Variants in COL27A1 observed in about 807,000 individuals in gnomAD.
COL27A1 encodes the protein collagen type XXVII alpha 1 chain.
In COL27A1, 106 loss-of-function variants were observed where a neutral mutation model predicts 251.3. The observed-to-expected ratio is 0.42, with a 90% CI of 0.36 to 0.50. The LOEUF (loss-of-function observed/expected upper bound fraction) is 0.50. Among genes scored for constraint, COL27A1 ranks in the 20% least tolerant of loss-of-function variants. COL27A1 has a pLI of 0.00. For synonymous variants in COL27A1, 1,000 were observed against 986.3 expected (o/e 1.01, Z -0.26); for missense variants, 2,325 against 2,522.8 (o/e 0.92, Z 1.68).
At chr9:114,156,993 G>A (rs927677822) in intron 1 of COL27A1, among the ~76,000 whole-genome samples, 7 of 152,012 alleles carry the variant, frequency 4.6e-5, no homozygotes, top group Non-Finnish European at 7.4e-5. Flanking sequence ...GGAGTCCGCG[G>A]GATGACACCC....
At chr9:114,171,765 C>A (rs1849337485) in intron 3 of COL27A1, among the ~76,000 whole-genome samples, 1 of 152,144 alleles carries the variant, frequency 6.6e-6, no homozygotes, top group African/African-American at 2.4e-5. Context: ...TGTGCCTGGC[C>A]TAAAGAAGCT....
intron 7 of COL27A1, among the ~76,000 whole-genome samples, chr9:114,204,032 TAG>T (rs1564464155): frequency 6.6e-6 from 1 of 152,068 alleles, no homozygotes; most frequent in Non-Finnish European, 1.5e-5. Context: ...CGGCAGCACA[TAG>T]AGAGGGTCTA....
At chr9:114,209,239 TG>T (rs1355200641) in intron 10 of COL27A1, among the ~76,000 whole-genome samples, 1 of 152,044 alleles carries the variant, frequency 6.6e-6, no homozygotes, top group African/African-American at 2.4e-5. Context: ...CGGCCAGAGG[TG>T]GATGTAAGCC....
At chr9:114,289,749 C>G (rs1278256430) in intron 45 of COL27A1, among the ~76,000 whole-genome samples, 1 of 152,114 alleles carries the variant, frequency 6.6e-6, no homozygotes, top group Non-Finnish European at 1.5e-5. Context: ...CGGGTGCGCC[C>G]CCCTCACCTG....
chr9:114,245,913 T>C lies in COL27A1; in HGVS notation c.2979+3T>C. On this transcript the variant is annotated splice_donor_region_variant and intron_variant, in intron 24 of 60. Transcript: ENST00000356083. ...GGCCGGGGCCTGTGGGAGAGCAGGTTAGTTAGCAACGGTCTCTGAATGAGT... is the reference window on the plus strand; with the variant it reads ...GGCCGGGGCCTGTGGGAGAGCAGGTCAGTTAGCAACGGTCTCTGAATGAGT... The C allele has an allele frequency of 6.2e-7, 1 of 1,613,008 alleles. No homozygotes were observed. The highest frequency in any genetic ancestry group is 8.5e-7 in the Non-Finnish European group (1 of 1,179,442).
At chr9:114,200,988 G>A (rs1019786519) in intron 7 of COL27A1, among the ~76,000 whole-genome samples, 8 of 152,178 alleles carry the variant, frequency 5.3e-5, no homozygotes, top group African/African-American at 1.9e-4. Flanking sequence ...GCAAGGACGG[G>A]ACCCCTCCCC....
In COL27A1 at chr9:114,195,946, CTG is replaced by C; in HGVS notation, c.2071-9_2071-8del. ...CGTTTTCCTGCCTCACCCACCTTGTCTGTGTCTTCCAGGGTGACATGGGCTTG... is the reference window on the plus strand; with the variant it reads ...CGTTTTCCTGCCTCACCCACCTTGTCTGTCTTCCAGGGTGACATGGGCTTG... On this transcript the variant is annotated splice_polypyrimidine_tract_variant and intron_variant, in intron 6 of 60. Coordinates refer to ENST00000356083, the MANE Select transcript of COL27A1 (RefSeq NM_032888.4). 6.2e-7 allele frequency: 1 copy of C among 1,608,380 alleles called. No individual in the cohort carries two copies.
intron 13 of COL27A1, among the ~76,000 whole-genome samples, chr9:114,221,982 T>C (rs921776631): frequency 6.6e-6 from 1 of 152,250 alleles, no homozygotes; most frequent in Admixed American, 6.5e-5. Flanking sequence ...AATGGGAAGA[T>C]ACTGGATTTG....
At chr9:114,161,383 G>C (rs1035053354) in intron 1 of COL27A1, among the ~76,000 whole-genome samples, 2 of 152,102 alleles carry the variant, frequency 1.3e-5, no homozygotes, top group African/African-American at 4.8e-5. Flanking sequence ...GATTTATCCA[G>C]ATTCATGTAG....
chr9:114,275,743 GC>G lies in COL27A1; in HGVS notation c.3698del (p.Pro1233LeufsTer334), dbSNP rs1213672903. The G allele has an allele frequency of 1.3e-6, 2 of 1,548,540 alleles. No homozygotes were observed. Among genetic ancestry groups the G allele is most frequent in the Non-Finnish European group, 1.7e-6 (2 of 1,146,528 alleles). ...CTGATGGGTGAGGACGGGCCCCCCG[GC>G]CCCCCTGGCGTCACTGGTGTCCGGG... ...EGLMGEDGPPGPPGVTGVRGP... is the reference protein window; with the variant it reads ...EGLMGEDGPPXPPGVTGVRGP... On this transcript the variant is annotated frameshift_variant, in exon 37 of 61. Coordinates refer to ENST00000356083, the MANE Select transcript of COL27A1 (RefSeq NM_032888.4). LOFTEE classifies it high-confidence loss of function.
rs1305719111 is a variant in COL27A1 at position 114,168,540 on chromosome 9, G to A, written c.985G>A (p.Ala329Thr). The change falls in exon 3 of 61, where the codon GCC (alanine) becomes ACC (threonine). Residue 329 changes from alanine to threonine, a missense_variant. This residue lies in a region of COL27A1 where 1,183 missense variants were observed against 1,144.1 expected (regional missense o/e 1.03). Transcript: ENST00000356083. ...CCCGCTGCTACCTGCCAAGCTGTCA[G>A]CCAGTAACGCACTTGATCCCATGCT... is the stretch of plus-strand genomic sequence containing the variant. ...QTPLLPAKLS[A>T]SNALDPMLPA... is the part of the protein sequence containing the mutation. 1 of 1,613,982 alleles carries A rather than the reference G, an allele frequency of 6.2e-7. No homozygotes were observed.
chr9:114,168,611 C>T lies in COL27A1; in HGVS notation c.1056C>T (p.Ala352=), dbSNP rs763626897. Residue 352 remains alanine (A), a synonymous_variant, in exon 3 of 61, where the codon GCC becomes GCT. Coordinates refer to ENST00000356083, the MANE Select transcript of COL27A1 (RefSeq NM_032888.4). ...CTACCAGAACGCCTCGCCCTGCGGC[C>T]GCTCAACCATCACAGAAGATCACAG... The part of the protein sequence containing the change: ...GGSTRTPRPA[A]AQPSQKITAT... 28 of 1,614,066 alleles carry T rather than the reference C, an allele frequency of 1.7e-5. No homozygotes were observed. Among genetic ancestry groups the T allele is most frequent in the Middle Eastern group, 1.6e-4 (1 of 6,084 alleles).
At chr9:114,253,372 CGAAA>C (rs943042683) in intron 27 of COL27A1, among the ~76,000 whole-genome samples, 10 of 136,910 alleles carry the variant, frequency 7.3e-5, no homozygotes, top group South Asian at 2.4e-4. Flanking sequence ...GAAAGAAAGA[CGAAA>C]GAAAGAAAGA....
At chr9:114,292,336 C>T in intron 49 of COL27A1, 126 bp downstream of exon 49, 1 of 750,382 alleles carries the variant, frequency 1.3e-6, no homozygotes, top group Admixed American at 2.9e-5. Context: ...GAAGCCACCT[C>T]CTTGCTCTGT....
In COL27A1 at chr9:114,198,364, G is replaced by C. The variant is rs553273596; in HGVS notation, c.2124+2352G>C. On this transcript the variant is annotated intron_variant, in intron 7 of 60. Coordinates refer to ENST00000356083, the MANE Select transcript of COL27A1 (RefSeq NM_032888.4). ...ACTATAAGACAGAAAGGGCTATGGAGAAAAATTAGCAAGAGAAAGGGAGTT... is the reference window on the plus strand; with the variant it reads ...ACTATAAGACAGAAAGGGCTATGGACAAAAATTAGCAAGAGAAAGGGAGTT... 3.9e-5 allele frequency among the ~76,000 whole-genome samples: 6 copies of C among 152,318 alleles called. No individual in the cohort carries two copies. In the East Asian group the frequency reaches 1.2e-3, roughly 29 times the overall value.
chr9:114,288,711 G>C lies in COL27A1; in HGVS notation c.4054G>C (p.Gly1352Arg). The C allele has an allele frequency of 6.2e-7, 1 of 1,610,574 alleles. No individual in the cohort carries two copies. The highest frequency in any genetic ancestry group is 1.1e-5 in the South Asian group (1 of 90,960). ...TGTCTTTGTCATTCAGGGCCCTGTG[G>C]GTGATCGAGGAGACCGCGGGGAACC... Reference protein sequence around the residue: ...PGPPGDRGPVGDRGDRGEPGD... With the variant: ...PGPPGDRGPVRDRGDRGEPGD... The change falls in exon 43 of 61, where the codon GGT becomes CGT. Residue 1352 changes from glycine (G) to arginine (R), a missense_variant. Gly to Arg is a moderately radical substitution (Grantham distance 125, BLOSUM62 -2). Coordinates refer to ENST00000356083, the MANE Select transcript of COL27A1 (RefSeq NM_032888.4).
chr9:114,237,833 T>G, intron 19 of COL27A1, 118 bp downstream of exon 19: 1 of 794,422 alleles, frequency 1.3e-6, no homozygotes, highest in Non-Finnish European at 2.2e-6. Context: ...ATATGAGAGA[T>G]GAGGCTGAGA....
intron 28 of COL27A1, among the ~76,000 whole-genome samples, chr9:114,260,698 G>A (rs1389485917): frequency 6.6e-6 from 1 of 152,108 alleles, no homozygotes; most frequent in African/African-American, 2.4e-5. Flanking sequence ...TCTGTTCTTG[G>A]TGAGGACGCT....
intron 28 of COL27A1, among the ~76,000 whole-genome samples, chr9:114,263,763 G>A (rs1300352599): frequency 6.6e-6 from 1 of 152,134 alleles, no homozygotes; most frequent in African/African-American, 2.4e-5. Flanking sequence ...GCAGTAGCCT[G>A]ACTCCCACTC....
Sources: gnomAD v4.1 joint callset for allele counts (sites outside exome capture counted in the v4.1 genomes callset) on GRCh38, gnomAD v4.1.1 for gene constraint, gnomAD v4.1.1 regional missense constraint, MANE v1.5 for transcripts, NCBI Gene and HGNC (gene_info 2026-07-23, HGNC 2026-07-21) for gene names.